GALNT14: variants seen among roughly 807,000 people sequenced by gnomAD.
GALNT14 encodes polypeptide N-acetylgalactosaminyltransferase 14, also known as UDP-GalNAc:polypeptide N-acetylgalactosaminyltransferase 14.
GALNT14 carries 60 observed loss-of-function variants against 77.5 expected under a neutral mutation model. That is an observed-to-expected ratio of 0.77 (90% CI 0.63 to 0.96). The LOEUF (loss-of-function observed/expected upper bound fraction) is 0.96. Ranked by LOEUF, GALNT14 falls within the 40% of genes least tolerant of loss-of-function variation. The pLI, the probability that GALNT14 is intolerant of heterozygous loss-of-function variation, is 0.00. For missense variants in GALNT14, 710 were observed against 731.0 expected (o/e 0.97, Z 0.33); for synonymous variants, 280 against 281.7 (o/e 0.99, Z 0.06).
At chr2:31,093,510 A>G (rs1676858359) in intron 1 of GALNT14, among the ~76,000 whole-genome samples, 1 of 152,202 alleles carries the variant, frequency 6.6e-6, no homozygotes. Flanking sequence ...AGGAGAGGCC[A>G]TGTCCCCTTG....
At position 30,944,873 on chromosome 2, in the gene GALNT14, G is replaced by T; in HGVS notation, c.812C>A (p.Pro271His). 1 of 1,608,768 alleles carries T rather than the reference G, an allele frequency of 6.2e-7. No individual in the cohort carries two copies. ...TCCCACTTACCTGATGGGCTCCGTGGGGTCCAGGCGCCGAGCCTTCTGCTC... is the reference window on the plus strand; with the variant it reads ...TCCCACTTACCTGATGGGCTCCGTGTGGTCCAGGCGCCGAGCCTTCTGCTC... ...SPEQKARRLD[P>H]TEPIRTPIIA... Residue 271 changes from proline (P) to histidine (H), a missense_variant, in exon 8 of 15, where the codon CCC becomes CAC. Coordinates refer to ENST00000349752, the MANE Select transcript of GALNT14 (RefSeq NM_024572.4).
At chr2:30,953,453 T>A (rs1040019717) in intron 6 of GALNT14, among the ~76,000 whole-genome samples, 2 of 151,890 alleles carry the variant, frequency 1.3e-5, no homozygotes, top group Non-Finnish European at 2.9e-5. Flanking sequence ...GGACTACAGG[T>A]GCGTGCCACC....
At chr2:31,045,921 T>C (rs536437280) in intron 1 of GALNT14, among the ~76,000 whole-genome samples, 83 of 152,334 alleles carry the variant, frequency 5.4e-4, no homozygotes, top group African/African-American at 1.9e-3. Context: ...GTATCTCTTA[T>C]TCTATACTAT....
At chr2:31,095,584 C>T (rs1052075869) in intron 1 of GALNT14, among the ~76,000 whole-genome samples, 2 of 152,032 alleles carry the variant, frequency 1.3e-5, no homozygotes, top group Non-Finnish European at 2.9e-5. Context: ...AATTTTGAAG[C>T]TTTTGACCCT....
the GALNT14 span, among the ~76,000 whole-genome samples, chr2:30,890,105 C>T: frequency 2.0e-5 from 3 of 152,128 alleles, no homozygotes; most frequent in South Asian, 4.1e-4. Context: ...ATCAATATCA[C>T]GATTTGCCAC....
chr2:30,894,574 T>A, the GALNT14 span, among the ~76,000 whole-genome samples: 1 of 152,334 alleles, frequency 6.6e-6, no homozygotes. Context: ...GCTTGTTTTA[T>A]AATGGAGAAT....
rs770668456 is a variant in GALNT14 at position 30,955,731 on chromosome 2, G to A, written c.541C>T (p.Arg181Trp). ...LRNNERQGLV[R>W]SRIRGADIAQ... ...ATGTCAGCGCCCCGAATCCGGGACC[G>A]GACCAGACCTGCAGTCAGGAACAAA... The change falls in exon 6 of 15, where the codon CGG becomes TGG. Residue 181 changes from arginine (R) to tryptophan (W), a missense_variant. By Grantham distance (101) the Arg-to-Trp change is moderately radical (BLOSUM62 -3). Transcript: ENST00000349752. 7 of 1,613,962 alleles carry A rather than the reference G, an allele frequency of 4.3e-6. No individual in the cohort carries two copies. In the African/African-American group the frequency reaches 5.3e-5, roughly 12 times the overall value.
chr2:30,958,355 C>A (rs772758966), intron 4 of GALNT14, 42 bp downstream of exon 4: 1 of 1,553,654 alleles, frequency 6.4e-7, no homozygotes. Flanking sequence ...TGGCTGGGAA[C>A]AGACATTCGT....
At chr2:30,951,563 T>C (rs190719345) in intron 6 of GALNT14, among the ~76,000 whole-genome samples, 1 of 152,362 alleles carries the variant, frequency 6.6e-6, no homozygotes. Flanking sequence ...CTTGTGAATA[T>C]ACTAAAATCA....
chr2:31,132,666 T>A, intron 1 of GALNT14: 1 of 468,914 alleles, frequency 2.1e-6, no homozygotes, highest in Non-Finnish European at 4.4e-6. Context: ...TTCCAAGCTG[T>A]CTTTGTTCAA....
intron 12 of GALNT14, 105 bp downstream of exon 12, chr2:30,924,635 T>TA: frequency 1.1e-6 from 1 of 906,742 alleles, no homozygotes; most frequent in East Asian, 2.5e-5. Context: ...CTGATATACA[T>TA]AAAAGCCCTC....
At chr2:31,086,613 G>C (rs958688987) in intron 1 of GALNT14, among the ~76,000 whole-genome samples, 1 of 151,138 alleles carries the variant, frequency 6.6e-6, no homozygotes, top group Non-Finnish European at 1.5e-5. Context: ...CTAAGAAAAC[G>C]CATGAAGATG....
At chr2:30,953,842 G>A (rs1022531525) in intron 6 of GALNT14, among the ~76,000 whole-genome samples, 9 of 152,162 alleles carry the variant, frequency 5.9e-5, no homozygotes, top group Non-Finnish European at 1.2e-4. Context: ...TAGGAAGCAA[G>A]CTTGATTTTC....
chr2:31,102,295 G>A (rs1677319546), intron 1 of GALNT14, among the ~76,000 whole-genome samples: 2 of 152,000 alleles, frequency 1.3e-5, no homozygotes, highest in Admixed American at 1.3e-4. Context: ...TAAGCCATCA[G>A]TTTTCCTCTG....
At chr2:31,058,761 T>C (rs1384921781) in intron 1 of GALNT14, among the ~76,000 whole-genome samples, 1 of 152,236 alleles carries the variant, frequency 6.6e-6, no homozygotes, top group Non-Finnish European at 1.5e-5. Context: ...CATTATAATG[T>C]GGGCCTTATT....
chr2:30,989,302 A>G (rs1669510913), intron 2 of GALNT14, among the ~76,000 whole-genome samples: 1 of 151,942 alleles, frequency 6.6e-6, no homozygotes, highest in Non-Finnish European at 1.5e-5. Context: ...CCTGACCTTG[A>G]AACCCACCTC....
chr2:30,935,181 C>A (rs1156686207), intron 9 of GALNT14, among the ~76,000 whole-genome samples: 1 of 152,186 alleles, frequency 6.6e-6, no homozygotes, highest in Non-Finnish European at 1.5e-5. Context: ...GCAGAAGCAA[C>A]TCTGATAGGA....
At chr2:31,110,933 C>G (rs1372908307) in intron 1 of GALNT14, among the ~76,000 whole-genome samples, 1 of 152,180 alleles carries the variant, frequency 6.6e-6, no homozygotes, top group Non-Finnish European at 1.5e-5. Context: ...TGAACTCTAA[C>G]TCCAAATCTC....
At chr2:30,992,440 C>G (rs1292062667) in intron 2 of GALNT14, among the ~76,000 whole-genome samples, 1 of 152,206 alleles carries the variant, frequency 6.6e-6, no homozygotes, top group East Asian at 1.9e-4. Flanking sequence ...CACCTACCTG[C>G]CCCAGGGTCC....
Sources: gnomAD v4.1 joint callset for allele counts (sites outside exome capture counted in the v4.1 genomes callset) on GRCh38, gnomAD v4.1.1 for gene constraint, MANE v1.5 for transcripts, NCBI Gene and HGNC (gene_info 2026-07-23, HGNC 2026-07-21) for gene names.